Variants in GMPR observed in about 807,000 individuals in gnomAD.
The protein encoded by GMPR is guanosine monophosphate reductase, also known as GMP reductase 1.
Under a neutral mutation model 38.4 loss-of-function variants are expected in GMPR, and 31 were observed. The ratio of observed to expected loss-of-function variants is 0.81; its 90% confidence interval spans 0.61 to 1.09. GMPR has a LOEUF of 1.09. Among genes scored for constraint, GMPR ranks in the 50% least tolerant of loss-of-function variants. GMPR has a pLI of 0.00. For missense variants in GMPR, 468 were observed against 453.7 expected, an observed-to-expected ratio of 1.03 and a Z score of -0.29; for synonymous variants, 162 against 173.3, an observed-to-expected ratio of 0.93 and a Z score of 0.51.
intron 2 of GMPR, 88 bp downstream of exon 2, chr6:16,247,049 A>G (rs1758772034): frequency 7.9e-7 from 1 of 1,259,844 alleles, no homozygotes; most frequent in Non-Finnish European, 1.1e-6. Context: ...TTCAGACACA[A>G]GGAAGAGTAG....
chr6:16,280,310 T>C (rs907541125), intron 6 of GMPR, among the ~76,000 whole-genome samples: 2 of 152,186 alleles, frequency 1.3e-5, no homozygotes, highest in African/African-American at 4.8e-5. Flanking sequence ...GATCAAGGTC[T>C]TTCACTCGCT....
chr6:16,295,214 G>A lies in GMPR; in HGVS notation c.*28G>A, dbSNP rs754663434. 3.5e-5 allele frequency: 51 copies of A among 1,471,636 alleles called. No individual in the cohort carries two copies. Among genetic ancestry groups the A allele is most frequent in the Non-Finnish European group, 4.0e-5 (45 of 1,112,928 alleles). The allele number at this position is 1,471,636 out of a possible 1,614,324, so 91.2% of individuals were successfully genotyped here. ...CTGGGGACAAAGCAGCGTCTGGCTC[G>A]AGTGGAAGCGTCCAAACCTGCTTTT... is the stretch of plus-strand genomic sequence containing the variant. On this transcript the variant is annotated 3_prime_UTR_variant, in exon 9 of 9. Coordinates refer to ENST00000259727, the MANE Select transcript of GMPR (RefSeq NM_006877.4).
chr6:16,291,341 A>T (rs1055135836), intron 8 of GMPR, among the ~76,000 whole-genome samples: 1 of 151,872 alleles, frequency 6.6e-6, no homozygotes, highest in Admixed American at 6.6e-5. Context: ...ATCCTGCCTC[A>T]GCCTCCCGAA....
chr6:16,289,098 A>C (rs1021495343), intron 7 of GMPR, among the ~76,000 whole-genome samples: 1 of 152,198 alleles, frequency 6.6e-6, no homozygotes, highest in East Asian at 1.9e-4. Flanking sequence ...TTTGCAATAG[A>C]TTCTGTTGCT....
chr6:16,274,003 A>T (rs1439627782), intron 4 of GMPR, among the ~76,000 whole-genome samples: 2 of 151,840 alleles, frequency 1.3e-5, no homozygotes, highest in Admixed American at 6.6e-5. Flanking sequence ...TTTAGTAGAG[A>T]CAGGGTTTCA....
chr6:16,267,476 A>G (rs1237101949), intron 4 of GMPR, among the ~76,000 whole-genome samples: 2 of 151,978 alleles, frequency 1.3e-5, no homozygotes, highest in African/African-American at 2.4e-5. Flanking sequence ...GGACGGTGCC[A>G]CTTTTAAGAG....
chr6:16,264,798 G>A (rs552322114), intron 4 of GMPR, among the ~76,000 whole-genome samples: 8 of 152,244 alleles, frequency 5.3e-5, no homozygotes, highest in African/African-American at 9.6e-5. Context: ...CTTTTGTGGT[G>A]GAATGTCATC....
intron 4 of GMPR, among the ~76,000 whole-genome samples, chr6:16,270,345 T>C (rs1001653403): frequency 6.6e-6 from 1 of 152,214 alleles, no homozygotes; most frequent in Non-Finnish European, 1.5e-5. Flanking sequence ...TTGTCATGGC[T>C]GCCCAAGAAA....
intron 1 of GMPR, among the ~76,000 whole-genome samples, chr6:16,240,070 G>C (rs1299053993): frequency 6.6e-6 from 1 of 152,234 alleles, no homozygotes; most frequent in African/African-American, 2.4e-5. Flanking sequence ...AGACCAAGAT[G>C]AAATAGGGGG....
chr6:16,244,054 C>T (rs527611627), intron 1 of GMPR, among the ~76,000 whole-genome samples: 3 of 151,322 alleles, frequency 2.0e-5, no homozygotes, highest in South Asian at 2.1e-4. Flanking sequence ...GGGCCGGCTC[C>T]CCGCTACCAT....
At chr6:16,277,626 G>A (rs1439976928) in intron 5 of GMPR, among the ~76,000 whole-genome samples, 1 of 152,224 alleles carries the variant, frequency 6.6e-6, no homozygotes, top group African/African-American at 2.4e-5. Context: ...CTCAGCACCT[G>A]ATAACAACAG....
intron 4 of GMPR, among the ~76,000 whole-genome samples, chr6:16,273,811 A>ATTTTTTTTTT (rs772416416): frequency 8.9e-6 from 1 of 112,872 alleles, no homozygotes; most frequent in African/African-American, 3.7e-5. Flanking sequence ...TCCCTCTAAG[A>ATTTTTTTTTT]TTTTTTTTTT....
intron 2 of GMPR, among the ~76,000 whole-genome samples, chr6:16,249,125 G>A (rs1459904207): frequency 6.6e-6 from 1 of 151,720 alleles, no homozygotes; most frequent in East Asian, 1.9e-4. Context: ...TTTGACTCTG[G>A]CCTTTTCCTC....
intron 4 of GMPR, chr6:16,263,259 C>T (rs1394230340): frequency 1.3e-5 from 2 of 151,892 alleles, no homozygotes; most frequent in Non-Finnish European, 2.9e-5. Context: ...CATTGTACGA[C>T]AAGAATTATT....
At chr6:16,278,393 T>C (rs149237934) in intron 5 of GMPR, among the ~76,000 whole-genome samples, 1 of 152,204 alleles carries the variant, frequency 6.6e-6, no homozygotes, top group East Asian at 1.9e-4. Flanking sequence ...AGTGGGAGGA[T>C]TCTGAGAGGT....
At chr6:16,253,717 G>A (rs1329603162) in intron 3 of GMPR, among the ~76,000 whole-genome samples, 5 of 152,186 alleles carry the variant, frequency 3.3e-5, no homozygotes, top group African/African-American at 4.8e-5. Flanking sequence ...ATAAAAATAG[G>A]TAAGAGTTTT....
At chr6:16,266,744 G>T (rs1331762106) in intron 4 of GMPR, among the ~76,000 whole-genome samples, 1 of 151,658 alleles carries the variant, frequency 6.6e-6, no homozygotes, top group African/African-American at 2.4e-5. Context: ...CTGGGAGGGG[G>T]AGCTTGACGG....
At chr6:16,266,970 A>G (rs1368858448) in intron 4 of GMPR, among the ~76,000 whole-genome samples, 1 of 151,482 alleles carries the variant, frequency 6.6e-6, no homozygotes, top group Non-Finnish European at 1.5e-5. Context: ...GGCGTAGACC[A>G]TGAACCCACG....
intron 4 of GMPR, among the ~76,000 whole-genome samples, chr6:16,272,550 G>A (rs1022640921): frequency 7.2e-5 from 11 of 152,200 alleles, no homozygotes; most frequent in African/African-American, 2.7e-4. Context: ...AATTTGTTAA[G>A]TGAAAAGTAG....
Sources: allele counts gnomAD v4.1 joint callset (sites outside exome capture counted in the v4.1 genomes callset), GRCh38; gene constraint gnomAD v4.1.1; transcripts MANE v1.5; gene names NCBI Gene and HGNC (gene_info 2026-07-23, HGNC 2026-07-21).